Variants in SPACA1 observed in about 807,000 individuals in gnomAD.
SPACA1 encodes sperm acrosome membrane-associated protein 1.
Under a neutral mutation model 32.6 loss-of-function variants are expected in SPACA1, and 17 were observed. That is an observed-to-expected ratio of 0.52 (90% CI 0.36 to 0.78). SPACA1 has a LOEUF of 0.78. Ranked by LOEUF, SPACA1 falls within the 30% of genes least tolerant of loss-of-function variation. SPACA1 has a pLI of 0.01. For synonymous variants in SPACA1, 140 were observed against 138.1 expected, an observed-to-expected ratio of 1.01 and a Z score of -0.10; for missense variants, 363 against 373.4, an observed-to-expected ratio of 0.97 and a Z score of 0.23.
chr6:88,066,162 G>A lies in SPACA1; in HGVS notation c.732-20G>A, dbSNP rs1385541164. ...GTTTTCACTTCATATGGTGGTTTTG[G>A]TTTTTGTTTTTTCTTCCAGGGCAGC... On this transcript the variant is annotated intron_variant, in intron 6 of 6. Coordinates refer to ENST00000237201, the MANE Select transcript of SPACA1 (RefSeq NM_030960.3). 1 of 1,541,408 alleles carries A rather than the reference G, an allele frequency of 6.5e-7. No individual in the cohort carries two copies. The highest frequency in any genetic ancestry group is 2.1e-5 in the Admixed American group (1 of 47,918).
intron 1 of SPACA1, 122 bp downstream of exon 1, chr6:88,048,235 C>T (rs772746400): frequency 1.0e-5 from 11 of 1,060,538 alleles, no homozygotes; most frequent in African/African-American, 1.6e-5. Context: ...TCTCATACTT[C>T]AGCCCCGAGT....
At chr6:88,048,235 C>G in intron 1 of SPACA1, 122 bp downstream of exon 1, 2 of 1,060,538 alleles carry the variant, frequency 1.9e-6, no homozygotes, top group Non-Finnish European at 2.7e-6. Context: ...TCTCATACTT[C>G]AGCCCCGAGT....
Position 88,066,393 on chromosome 6 carries a change from CA to C in SPACA1, c.*63del. ...TTACAGAATATTAGATTCATTATTA[CA>C]AAAATAAAATACACATTGAAATACT... On this transcript the variant is annotated 3_prime_UTR_variant, in exon 7 of 7. Coordinates refer to ENST00000237201, the MANE Select transcript of SPACA1 (RefSeq NM_030960.3). 1 of 1,430,526 alleles carries C rather than the reference CA, an allele frequency of 7.0e-7. No individual in the cohort carries two copies. 88.6% of individuals were successfully genotyped at this position (1,430,526 alleles called of 1,614,324 possible).
chr6:88,047,706 A>G (rs1238229968), upstream of SPACA1: 2 of 587,088 alleles, frequency 3.4e-6, no homozygotes, highest in Non-Finnish European at 5.9e-6. Context: ...TCCGTCTTGC[A>G]CGCCTCGCAG....
chr6:88,048,965 C>G (rs1775688661), intron 1 of SPACA1, among the ~76,000 whole-genome samples: 2 of 152,198 alleles, frequency 1.3e-5, no homozygotes, highest in Admixed American at 6.5e-5. Context: ...TGTTTGCATT[C>G]TCATATCTCT....
At position 88,054,017 on chromosome 6, in the gene SPACA1, G is replaced by A; in HGVS notation, c.265+15G>A. ...CGTTACATGTGGTAAGTAGCTTGGA[G>A]CAGATGAATAAACCATGTTGTAATT... On this transcript the variant is annotated intron_variant, in intron 2 of 6. Transcript: ENST00000237201. The A allele has an allele frequency of 3.1e-6, 5 of 1,612,148 alleles. No individual in the cohort carries two copies. Among genetic ancestry groups the A allele is most frequent in the Non-Finnish European group, 4.2e-6 (5 of 1,178,664 alleles).
chr6:88,051,022 C>T (rs1173059934), intron 1 of SPACA1, among the ~76,000 whole-genome samples: 2 of 152,016 alleles, frequency 1.3e-5, no homozygotes, highest in African/African-American at 2.4e-5. Context: ...TTGCGTGTGC[C>T]TGTAGTTCCA....
chr6:88,056,643 C>A (rs1775812903), intron 2 of SPACA1, among the ~76,000 whole-genome samples: 1 of 152,172 alleles, frequency 6.6e-6, no homozygotes, highest in Non-Finnish European at 1.5e-5. Flanking sequence ...AGTTATAAGA[C>A]ACCTCTAGTC....
rs1775986593 is a variant in SPACA1 at position 88,066,385 on chromosome 6, C to T, written c.*50C>T. ...AAAGGATATTACAGAATATTAGATTCATTATTACAAAAATAAAATACACAT... is the reference window on the plus strand; with the variant it reads ...AAAGGATATTACAGAATATTAGATTTATTATTACAAAAATAAAATACACAT... On this transcript the variant is annotated 3_prime_UTR_variant, in exon 7 of 7. Transcript: ENST00000237201. 1 of 1,449,900 alleles carries T rather than the reference C, an allele frequency of 6.9e-7. No individual in the cohort carries two copies. Among genetic ancestry groups the T allele is most frequent in the Non-Finnish European group, 9.2e-7 (1 of 1,084,218 alleles). The allele number at this position is 1,449,900 out of a possible 1,614,324, so 89.8% of individuals were successfully genotyped here. A position where few individuals can be genotyped will look rare whatever the true frequency, so the allele number is the denominator to read the frequency against.
chr6:88,066,047 C>T, intron 6 of SPACA1, 135 bp from the exon 7 acceptor site: 1 of 569,228 alleles, frequency 1.8e-6, no homozygotes, highest in South Asian at 4.8e-5. Flanking sequence ...TATATTTGTA[C>T]CATATATAAT....
intron 1 of SPACA1, 96 bp downstream of exon 1, chr6:88,048,209 C>A (rs575044202): frequency 7.9e-7 from 1 of 1,261,834 alleles, no homozygotes; most frequent in Non-Finnish European, 1.1e-6. Context: ...TGTGTGTTAA[C>A]GTCAGGAGAG....
rs1775663017 is a variant in SPACA1, at chr6:88,047,851, T to C, written c.-55T>C. On this transcript the variant is annotated 5_prime_UTR_variant, in exon 1 of 7. Transcript: ENST00000237201. Reference sequence around the variant, plus strand: ...GTCGCAGCTCTCTTCGACGTACCTGTCCTCAGGAGCCGCGGCGGCGACTGC... The same window carrying C: ...GTCGCAGCTCTCTTCGACGTACCTGCCCTCAGGAGCCGCGGCGGCGACTGC... 4.8e-6 allele frequency: 7 copies of C among 1,468,014 alleles called. No individual in the cohort carries two copies. Among genetic ancestry groups the C allele is most frequent in the South Asian group, 1.3e-5 (1 of 74,434 alleles). 90.9% of individuals were successfully genotyped at this position (1,468,014 alleles called of 1,614,324 possible). A position where few individuals can be genotyped will look rare whatever the true frequency, so the allele number is the denominator to read the frequency against.
At chr6:88,048,769 G>A (rs2127797200) in intron 1 of SPACA1, among the ~76,000 whole-genome samples, 1 of 75,180 alleles carries the variant, frequency 1.3e-5, no homozygotes, top group East Asian at 3.2e-4. Context: ...CCCCCCGCTT[G>A]GTACATACAT....
intron 1 of SPACA1, among the ~76,000 whole-genome samples, chr6:88,050,732 T>A (rs548773477): frequency 2.0e-5 from 3 of 152,378 alleles, no homozygotes; most frequent in South Asian, 2.1e-4. Context: ...TTCTAGGCAA[T>A]TCCAATCATT....
rs545983439 is a variant in SPACA1 at position 88,048,965 on chromosome 6, CTCATATCTCTTCAGTCTATACATATCG to C, written c.208+853_208+879del. Among the ~76,000 whole-genome samples the C allele has an allele frequency of 2.7e-4, 41 of 152,314 alleles. No homozygotes were observed. In the East Asian group the frequency reaches 7.9e-3, roughly 29 times the overall value. Reference sequence around the variant, plus strand: ...CAATTCTTTTAATATTGTTTGCATTCTCATATCTCTTCAGTCTATACATATCGAGTGACTGCTGTGTCTACCAGCCTT... The same window carrying C: ...CAATTCTTTTAATATTGTTTGCATTCAGTGACTGCTGTGTCTACCAGCCTT... On this transcript the variant is annotated intron_variant, in intron 1 of 6. Transcript: ENST00000237201.
chr6:88,054,513 A>G (rs1238097517), intron 2 of SPACA1, among the ~76,000 whole-genome samples: 5 of 152,212 alleles, frequency 3.3e-5, no homozygotes, highest in Non-Finnish European at 7.4e-5. Context: ...AATTGGACAT[A>G]AAATTTCTCT....
At position 88,050,963 on chromosome 6, in the gene SPACA1, C is replaced by T. The variant is rs142456721; in HGVS notation, c.208+2850C>T. On this transcript the variant is annotated intron_variant, in intron 1 of 6. Coordinates refer to ENST00000237201, the MANE Select transcript of SPACA1 (RefSeq NM_030960.3). The stretch of plus-strand genomic sequence containing the variant: ...GAGATCGAGAGCATCCTGGCTAACA[C>T]GGTGAAACCCCATCTCTACTAAAAA... 8.4e-3 allele frequency among the ~76,000 whole-genome samples: 1,271 copies of T among 152,078 alleles called. 11 individuals are homozygous for T. The highest frequency in any genetic ancestry group is 0.024 in the African/African-American group (981 of 41,464).
At chr6:88,059,912 G>T (rs943303079) in intron 5 of SPACA1, among the ~76,000 whole-genome samples, 6 of 152,174 alleles carry the variant, frequency 3.9e-5, no homozygotes, top group African/African-American at 1.4e-4. Context: ...TCAGAGAACA[G>T]TCCTCTAACT....
intron 3 of SPACA1, 101 bp downstream of exon 3, chr6:88,057,814 T>C (rs949825714): frequency 2.5e-6 from 2 of 815,762 alleles, no homozygotes; most frequent in South Asian, 1.5e-5. Context: ...AGGCAACCAG[T>C]TGACATACTC....
Sources: allele counts gnomAD v4.1 joint callset (sites outside exome capture counted in the v4.1 genomes callset), GRCh38; gene constraint gnomAD v4.1.1; transcripts MANE v1.5; gene names NCBI Gene and HGNC (gene_info 2026-07-23, HGNC 2026-07-21).